The following TCF25 variants were observed in gnomAD, a reference collection of about 807,000 sequenced individuals.
TCF25 encodes the protein ribosome quality control complex subunit TCF25.
Under a neutral mutation model 83.1 loss-of-function variants are expected in TCF25, and 41 were observed. That is an observed-to-expected ratio of 0.49 (90% CI 0.38 to 0.64). TCF25 has a LOEUF of 0.64. TCF25 is among the 30% of genes least tolerant of loss of function. TCF25 has a pLI of 0.00. For missense variants in TCF25, 979 were observed against 914.5 expected (o/e 1.07, Z -0.91); for synonymous variants, 458 against 365.0 (o/e 1.25, Z -2.90).
At chr16:89,903,272 C>T (rs2044498678) in intron 12 of TCF25, among the ~76,000 whole-genome samples, 1 of 152,256 alleles carries the variant, frequency 6.6e-6, no homozygotes, top group Non-Finnish European at 1.5e-5. Context: ...GGCCCGTTCC[C>T]CTACATGGCG....
chr16:89,902,698 GAA>G (rs1197265214), intron 12 of TCF25, among the ~76,000 whole-genome samples: 3 of 102,944 alleles, frequency 2.9e-5, no homozygotes, highest in African/African-American at 9.7e-5. Flanking sequence ...CAAAAAAAAA[GAA>G]AAAAAAAAAA....
At chr16:89,898,276 G>A (rs936476698) in intron 9 of TCF25, among the ~76,000 whole-genome samples, 2 of 152,250 alleles carry the variant, frequency 1.3e-5, no homozygotes, top group Middle Eastern at 3.4e-3. Context: ...GGGGTGGAGC[G>A]GGTGCTGACC....
At chr16:89,903,068 T>C (rs1007878955) in intron 12 of TCF25, among the ~76,000 whole-genome samples, 5 of 152,232 alleles carry the variant, frequency 3.3e-5, no homozygotes, top group African/African-American at 1.2e-4. Flanking sequence ...TGGGGCTGCA[T>C]GCAGCTGGCC....
At chr16:89,893,961 G>C (rs1484052472) in intron 7 of TCF25, 103 bp downstream of exon 7, 2 of 1,477,402 alleles carry the variant, frequency 1.4e-6, no homozygotes, top group African/African-American at 1.4e-5. Context: ...GCTGCCTCCT[G>C]CCCTTCCCAA....
At chr16:89,893,642 A>T in intron 6 of TCF25, 86 bp from the exon 7 acceptor site, 4 of 1,601,488 alleles carry the variant, frequency 2.5e-6, no homozygotes, top group Non-Finnish European at 3.4e-6. Flanking sequence ...GGCCTCATCC[A>T]GAACACCACG....
intron 1 of TCF25, among the ~76,000 whole-genome samples, chr16:89,881,678 C>T (rs1395625445): frequency 6.6e-6 from 1 of 152,080 alleles, no homozygotes; most frequent in Non-Finnish European, 1.5e-5. Context: ...CTCCTGGGCT[C>T]AGATGATCCT....
chr16:89,880,445 A>G (rs2042524307), intron 1 of TCF25, among the ~76,000 whole-genome samples: 2 of 152,290 alleles, frequency 1.3e-5, no homozygotes, highest in South Asian at 4.1e-4. Flanking sequence ...TTAGCCTGGC[A>G]TGGCGGCACA....
At chr16:89,905,135 C>T (rs770059285) in intron 14 of TCF25, 39 bp downstream of exon 14, 2 of 1,513,274 alleles carry the variant, frequency 1.3e-6, no homozygotes, top group Admixed American at 2.1e-5. Flanking sequence ...CACGCCCCCT[C>T]CTCAGGGACC....
chr16:89,887,590 G>A (rs987442399), intron 4 of TCF25, 62 bp from the exon 5 acceptor site: 1 of 1,470,752 alleles, frequency 6.8e-7, no homozygotes, highest in African/African-American at 1.4e-5. Flanking sequence ...GCTTTCTGAA[G>A]CTTTTGGAAT....
intron 16 of TCF25, 161 bp from the exon 17 acceptor site, chr16:89,910,430 C>G (rs147046887): frequency 1.5e-6 from 1 of 684,690 alleles, no homozygotes; most frequent in Non-Finnish European, 2.5e-6. Context: ...ACGGGCCACC[C>G]GGGGAATCCA....
At chr16:89,893,664 T>C in intron 6 of TCF25, 64 bp from the exon 7 acceptor site, 2 of 1,610,366 alleles carry the variant, frequency 1.2e-6, no homozygotes, top group Admixed American at 1.7e-5. Flanking sequence ...AGGTGAGGGC[T>C]GTGCTCGGAG....
rs543072960 is a variant in TCF25 at position 89,873,636 on chromosome 16, CCT to C, written c.-26_-25del. The C allele has an allele frequency of 2.9e-4, 441 of 1,504,650 alleles. 2 individuals are homozygous for C. In the African/African-American group the frequency reaches 5.2e-3, roughly 18 times the overall value. 93.2% of individuals were successfully genotyped at this position (1,504,650 alleles called of 1,614,324 possible). ...GCCGAGTTTTCTGCGCTTCCTTCTC[CCT>C]CTCTCCAGACGTCGTGGTCGTTCGG... is the stretch of plus-strand genomic sequence containing the variant. On this transcript the variant is annotated 5_prime_UTR_variant, in exon 1 of 18. Coordinates refer to ENST00000263346, the MANE Select transcript of TCF25 (RefSeq NM_014972.3).
At chr16:89,896,622 C>G (rs2043876146) in intron 9 of TCF25, among the ~76,000 whole-genome samples, 1 of 148,742 alleles carries the variant, frequency 6.7e-6, no homozygotes. Flanking sequence ...GGCGCGATCT[C>G]GGCTCACTGC....
chr16:89,902,644 G>A lies in TCF25; in HGVS notation c.1382-1474G>A, dbSNP rs865892033. ...GCAGAGCTTGCAGTGAGCCGAGATC[G>A]CGCCACTGCACTCCAGCCTGGGCAA... is the stretch of plus-strand genomic sequence containing the variant. On this transcript the variant is annotated intron_variant, in intron 12 of 17. Transcript: ENST00000263346. 2.4e-3 allele frequency among the ~76,000 whole-genome samples: 345 copies of A among 144,028 alleles called. 1 individual carries two copies. The highest frequency in any genetic ancestry group is 7.2e-3 in the African/African-American group (286 of 39,516). The allele number at this position is 144,028 out of a possible 152,430, so 94.5% of individuals were successfully genotyped here. A position where few individuals can be genotyped will look rare whatever the true frequency, so the allele number is the denominator to read the frequency against.
At chr16:89,910,971 G>T in intron 17 of TCF25, 109 bp from the exon 18 acceptor site, 1 of 1,457,244 alleles carries the variant, frequency 6.9e-7, no homozygotes, top group Non-Finnish European at 9.3e-7. Flanking sequence ...TTCAGGGTCC[G>T]GTGCTGGGGC....
At chr16:89,910,454 G>A in intron 16 of TCF25, 137 bp from the exon 17 acceptor site, 2 of 805,406 alleles carry the variant, frequency 2.5e-6, no homozygotes, top group African/African-American at 1.7e-5. Context: ...CCTGTGCTCA[G>A]CTGCTGCTGC....
intron 16 of TCF25, 151 bp from the exon 17 acceptor site, chr16:89,910,440 A>G: frequency 2.8e-6 from 2 of 722,034 alleles, no homozygotes; most frequent in East Asian, 5.3e-5. Flanking sequence ...CGGGGAATCC[A>G]GGGCCTGTGC....
At chr16:89,901,567 A>C (rs1239083764) in intron 12 of TCF25, among the ~76,000 whole-genome samples, 2 of 123,008 alleles carry the variant, frequency 1.6e-5, no homozygotes, top group Non-Finnish European at 3.5e-5. Flanking sequence ...AACACGGTGA[A>C]ACCACGTCTC....
intron 1 of TCF25, chr16:89,878,315 G>A (rs2042342387): frequency 3.2e-6 from 2 of 630,922 alleles, no homozygotes; most frequent in African/African-American, 2.0e-5. Flanking sequence ...GCTGGGTGCG[G>A]TGGCTCATGC....
Sources: gnomAD v4.1 joint callset for allele counts (sites outside exome capture counted in the v4.1 genomes callset) on GRCh38, gnomAD v4.1.1 for gene constraint, MANE v1.5 for transcripts, NCBI Gene and HGNC (gene_info 2026-07-23, HGNC 2026-07-21) for gene names.